The following CHRM3 variants were observed in gnomAD, a reference collection of about 807,000 sequenced individuals.
CHRM3 encodes the protein cholinergic receptor muscarinic 3.
CHRM3 carries 11 observed loss-of-function variants against 41.8 expected under a neutral mutation model. The ratio of observed to expected loss-of-function variants is 0.26; its 90% CI spans 0.17 to 0.44. The LOEUF (loss-of-function observed/expected upper bound fraction) is 0.44, where lower values mean the gene tolerates loss of function less well. CHRM3 is among the 20% of genes least tolerant of loss of function. The pLI is 1.00. For missense variants in CHRM3, 571 were observed against 745.4 expected, an observed-to-expected ratio of 0.77 and a Z score of 2.72; for synonymous variants, 297 against 301.4, an observed-to-expected ratio of 0.99 and a Z score of 0.15.
At chr1:239,831,709 C>G (rs980934754) in intron 6 of CHRM3, among the ~76,000 whole-genome samples, 5 of 152,064 alleles carry the variant, frequency 3.3e-5, no homozygotes, top group Admixed American at 6.6e-5. Flanking sequence ...ACATGTGAGG[C>G]CCGGGGGTGC....
At chr1:239,395,998 C>G (rs1659443500) in intron 1 of CHRM3, among the ~76,000 whole-genome samples, 1 of 152,174 alleles carries the variant, frequency 6.6e-6, no homozygotes, top group African/African-American at 2.4e-5. Context: ...CAAGGTCACC[C>G]TTCACTTTAC....
At chr1:239,762,087 T>C (rs1666837414) in intron 5 of CHRM3, among the ~76,000 whole-genome samples, 1 of 152,126 alleles carries the variant, frequency 6.6e-6, no homozygotes, top group South Asian at 2.1e-4. Flanking sequence ...CTGAAAACCA[T>C]TGTTTCAGCT....
chr1:239,737,738 T>C (rs1664505637), intron 5 of CHRM3, among the ~76,000 whole-genome samples: 1 of 152,166 alleles, frequency 6.6e-6, no homozygotes, highest in South Asian at 2.1e-4. Flanking sequence ...TTTTATTTGT[T>C]TCAAGGAGTA....
In CHRM3 at chr1:239,403,579, G is replaced by C. The variant is rs533371351; in HGVS notation, c.-521+16352G>C. Among the ~76,000 whole-genome samples the C allele has an allele frequency of 1.8e-4, 28 of 152,224 alleles. 1 individual carries two copies. In the South Asian group the frequency reaches 5.6e-3, roughly 31 times the overall value. ...CACTGGTGACCCTCACATTTTGAGA[G>C]GGGTAGTCTTTTGGATCTCCTGGAA... On this transcript the variant is annotated intron_variant, in intron 1 of 6. Transcript: ENST00000676153.
chr1:239,459,045 C>T (rs1226706776), intron 1 of CHRM3, among the ~76,000 whole-genome samples: 1 of 152,134 alleles, frequency 6.6e-6, no homozygotes, highest in Non-Finnish European at 1.5e-5. Context: ...TCATTCTCCA[C>T]CATTAACTGC....
chr1:239,644,365 G>A (rs1671543637), intron 4 of CHRM3, among the ~76,000 whole-genome samples: 1 of 150,830 alleles, frequency 6.6e-6, no homozygotes, highest in Non-Finnish European at 1.5e-5. Flanking sequence ...CCCTGGCTCT[G>A]TCCTGTTCCC....
intron 6 of CHRM3, among the ~76,000 whole-genome samples, chr1:239,879,453 C>T (rs531994870): frequency 1.3e-5 from 2 of 152,336 alleles, no homozygotes; most frequent in African/African-American, 4.8e-5. Flanking sequence ...CATGTGTTAG[C>T]TCAGAAGCCA....
chr1:239,660,667 G>A (rs906405494), intron 4 of CHRM3, among the ~76,000 whole-genome samples: 1 of 152,132 alleles, frequency 6.6e-6, no homozygotes, highest in Non-Finnish European at 1.5e-5. Flanking sequence ...GGGATCACTT[G>A]AGGCCAGGAG....
At chr1:239,488,130 A>G (rs570596594) in intron 1 of CHRM3, among the ~76,000 whole-genome samples, 1 of 152,292 alleles carries the variant, frequency 6.6e-6, no homozygotes, top group East Asian at 1.9e-4. Context: ...GAGAGTGTAA[A>G]TTGGTGCAAA....
chr1:239,388,422 A>G (rs946685361), intron 1 of CHRM3, among the ~76,000 whole-genome samples: 1 of 152,164 alleles, frequency 6.6e-6, no homozygotes, highest in South Asian at 2.1e-4. Context: ...TGACCTTTGT[A>G]GGTTACTATT....
At chr1:239,437,585 G>T (rs1663372711) in intron 1 of CHRM3, among the ~76,000 whole-genome samples, 1 of 152,064 alleles carries the variant, frequency 6.6e-6, no homozygotes, top group South Asian at 2.1e-4. Flanking sequence ...CACCCAGGCT[G>T]AAGTGCAATG....
At chr1:239,618,811 T>G (rs1166694377) in intron 3 of CHRM3, among the ~76,000 whole-genome samples, 1 of 124,516 alleles carries the variant, frequency 8.0e-6, no homozygotes, top group Non-Finnish European at 1.6e-5. Flanking sequence ...GCCCCTGCAC[T>G]CCAGCCTGGG....
intron 1 of CHRM3, among the ~76,000 whole-genome samples, chr1:239,462,217 A>G (rs1572385106): frequency 6.6e-6 from 1 of 152,314 alleles, no homozygotes; most frequent in East Asian, 1.9e-4. Context: ...AACTGAGGAT[A>G]CATTCATTTT....
intron 1 of CHRM3, among the ~76,000 whole-genome samples, chr1:239,477,760 C>T (rs1357045383): frequency 6.6e-6 from 1 of 152,096 alleles, no homozygotes; most frequent in Non-Finnish European, 1.5e-5. Flanking sequence ...AGCAAAATTC[C>T]TTTAGAAAAC....
intron 3 of CHRM3, chr1:239,546,483 G>A (rs1039787699): frequency 1.3e-5 from 2 of 152,124 alleles, no homozygotes; most frequent in African/African-American, 2.4e-5. Context: ...GGAAAAAGTT[G>A]TGACCATAAT....
At chr1:239,488,905 G>A (rs1667373480) in intron 1 of CHRM3, among the ~76,000 whole-genome samples, 1 of 152,014 alleles carries the variant, frequency 6.6e-6, no homozygotes, top group African/African-American at 2.4e-5. Context: ...AAGAATTGTT[G>A]AGAAACTAAT....
chr1:239,847,042 G>A (rs1388438458), intron 6 of CHRM3, among the ~76,000 whole-genome samples: 2 of 152,162 alleles, frequency 1.3e-5, no homozygotes, highest in Non-Finnish European at 2.9e-5. Context: ...AGGACCCAAA[G>A]CTCCTTCTGG....
At chr1:239,679,284 T>G (rs2149091577) in intron 5 of CHRM3, among the ~76,000 whole-genome samples, 1 of 152,212 alleles carries the variant, frequency 6.6e-6, no homozygotes, top group Non-Finnish European at 1.5e-5. Flanking sequence ...ACATAACAAC[T>G]CACCTGCCTC....
At chr1:239,647,125 C>A (rs554991878) in intron 4 of CHRM3, among the ~76,000 whole-genome samples, 1 of 152,264 alleles carries the variant, frequency 6.6e-6, no homozygotes, top group South Asian at 2.1e-4. Context: ...AACACAAACA[C>A]CTCCTCTTAG....
Sources: allele counts gnomAD v4.1 joint callset (sites outside exome capture counted in the v4.1 genomes callset), GRCh38; gene constraint gnomAD v4.1.1; transcripts MANE v1.5; gene names NCBI Gene and HGNC (gene_info 2026-07-23, HGNC 2026-07-21).